Variants in DLGAP5 observed in about 807,000 individuals in gnomAD.
DLGAP5 encodes DLG associated protein 5, also known as disks large-associated protein 5.
In DLGAP5, 90 loss-of-function variants were observed where a neutral mutation model predicts 99.6. The ratio of observed to expected loss-of-function variants is 0.90; its 90% confidence interval spans 0.76 to 1.08. The LOEUF is 1.08. Among genes scored for constraint, DLGAP5 ranks in the 50% least tolerant of loss-of-function variants. The probability of loss-of-function intolerance (pLI) is 0.00; values close to 1 mark genes in which losing one functional copy is unlikely to be tolerated. For missense variants in DLGAP5, 1,036 were observed against 983.5 expected (o/e 1.05, Z -0.71); for synonymous variants, 311 against 321.3 (o/e 0.97, Z 0.34).
intron 10 of DLGAP5, among the ~76,000 whole-genome samples, chr14:55,174,993 G>A (rs768015534): frequency 3.3e-5 from 5 of 152,088 alleles, no homozygotes; most frequent in Admixed American, 6.6e-5. Flanking sequence ...CCAGCCTATT[G>A]TCCATATTTT....
intron 12 of DLGAP5, among the ~76,000 whole-genome samples, chr14:55,163,802 C>A (rs188077179): frequency 6.6e-6 from 1 of 152,164 alleles, no homozygotes; most frequent in Non-Finnish European, 1.5e-5. Flanking sequence ...TTTTCATATG[C>A]GTATTTGCCA....
chr14:55,187,627 C>CTTT (rs58942962), intron 2 of DLGAP5, among the ~76,000 whole-genome samples: 3 of 145,284 alleles, frequency 2.1e-5, no homozygotes, highest in Non-Finnish European at 4.5e-5. Flanking sequence ...TGATCCTTTT[C>CTTT]TTTTTTTTTT....
intron 14 of DLGAP5, among the ~76,000 whole-genome samples, chr14:55,156,827 A>G (rs1037591183): frequency 6.6e-6 from 1 of 152,248 alleles, no homozygotes; most frequent in Non-Finnish European, 1.5e-5. Context: ...TGATGAAACA[A>G]GTGCAGAATG....
At position 55,176,977 on chromosome 14, in the gene DLGAP5, A is replaced by G. The variant is rs866974462; in HGVS notation, c.1049+85T>C. 4.5e-3 allele frequency: 550 copies of G among 121,406 alleles called. 3 individuals carry two copies. Among genetic ancestry groups the G allele is most frequent in the South Asian group, 0.042 (164 of 3,922 alleles). The allele number at this position is 121,406 out of a possible 1,614,324, so 7.5% of individuals were successfully genotyped here. ...TGGGCGACAGAGCGAACTCCGTCTG[A>G]AAAAAAAAAAAAAAAAAAAAAAAAA... On this transcript the variant is annotated intron_variant, in intron 8 of 18. Coordinates refer to ENST00000247191, the MANE Select transcript of DLGAP5 (RefSeq NM_014750.5).
intron 17 of DLGAP5, among the ~76,000 whole-genome samples, chr14:55,151,465 A>G (rs1392562319): frequency 2.6e-5 from 4 of 152,104 alleles, no homozygotes; most frequent in Middle Eastern, 3.4e-3. Context: ...TGGAGGTTGC[A>G]GTGAGCTGAG....
rs146463175 is a variant in DLGAP5, at chr14:55,148,581, C to T, written c.2419-108G>A. The T allele has an allele frequency of 1.1e-4, 177 of 1,564,708 alleles. 1 individual carries two copies. The highest frequency in any genetic ancestry group is 8.8e-4 in the African/African-American group (65 of 73,816). On this transcript the variant is annotated intron_variant, in intron 18 of 18. Transcript: ENST00000247191. ...ATTAATAACAAAAATAAACCGGGTG[C>T]GGTGGTGCACACCTGTAGTCCCAGC...
intron 18 of DLGAP5, among the ~76,000 whole-genome samples, chr14:55,149,537 G>A (rs1427612090): frequency 6.6e-6 from 1 of 152,134 alleles, no homozygotes; most frequent in Non-Finnish European, 1.5e-5. Context: ...GTTTCATGAA[G>A]TTAACTAAAA....
Position 55,175,475 on chromosome 14 carries a change from ATAAAT to A in DLGAP5, c.1175-8_1175-4del, listed in dbSNP as rs752865373. On this transcript the variant is annotated splice_region_variant and splice_polypyrimidine_tract_variant and intron_variant, in intron 9 of 18. Coordinates refer to ENST00000247191, the MANE Select transcript of DLGAP5 (RefSeq NM_014750.5). Reference sequence around the variant, plus strand: ...TTCATTTTTATTTAAAACATGTTCTATAAATTAAAGAAAATCTTACATATAAATTT... The same window carrying A: ...TTCATTTTTATTTAAAACATGTTCTATAAAGAAAATCTTACATATAAATTT... The A allele has an allele frequency of 2.4e-6, 3 of 1,245,340 alleles. No individual in the cohort carries two copies. The highest frequency in any genetic ancestry group is 2.3e-6 in the Non-Finnish European group (2 of 878,596). 77.1% of individuals were successfully genotyped at this position (1,245,340 alleles called of 1,614,324 possible).
intron 1 of DLGAP5, among the ~76,000 whole-genome samples, chr14:55,190,699 C>A (rs1205862752): frequency 6.6e-6 from 1 of 152,102 alleles, no homozygotes; most frequent in South Asian, 2.1e-4. Flanking sequence ...AAGCAATCAA[C>A]AAAATATAAA....
chr14:55,183,672 T>G lies in DLGAP5; in HGVS notation c.320A>C (p.Lys107Thr), dbSNP rs145728451. The G allele has an allele frequency of 4.3e-6, 7 of 1,612,752 alleles. No individual in the cohort carries two copies. In the African/African-American group the frequency reaches 9.4e-5, roughly 22 times the overall value. The change falls in exon 3 of 19, where the codon AAA becomes ACA. Residue 107 changes from lysine to threonine, a missense_variant. By Grantham distance (78) the Lys-to-Thr change is moderately conservative (BLOSUM62 -1). Coordinates refer to ENST00000247191, the MANE Select transcript of DLGAP5 (RefSeq NM_014750.5). ...TCGTTTAGCTTTCTCTCTCTGCTCT[T>G]TCAATTTTTGAAGTTGCTTTTCTTC... ...YKEEKQLQKL[K>T]EQREKAKRGI...
intron 8 of DLGAP5, 86 bp downstream of exon 8, chr14:55,176,976 G>GGAAA (rs1555329323): frequency 2.4e-5 from 6 of 252,482 alleles, no homozygotes; most frequent in South Asian, 2.3e-4. Context: ...AACTCCGTCT[G>GGAAA]AAAAAAAAAA....
chr14:55,179,634 C>A lies in DLGAP5; in HGVS notation c.769G>T (p.Asp257Tyr). 6.2e-7 allele frequency: 1 copy of A among 1,611,054 alleles called. No individual in the cohort carries two copies. The highest frequency in any genetic ancestry group is 1.1e-5 in the South Asian group (1 of 90,022). The change falls in exon 7 of 19, where the codon GAC (aspartate) becomes TAC (tyrosine). Residue 257 changes from aspartate to tyrosine, a missense_variant. Transcript: ENST00000247191. ...RPAKNVETKP[D>Y]KGISCKVDSE... The stretch of plus-strand genomic sequence containing the variant: ...AAAAGATGTTTATTCTCTACCTTGT[C>A]GGGTTTTGTTTCTACATTTTTGGCA...
chr14:55,177,122 G>C lies in DLGAP5; in HGVS notation c.989C>G (p.Pro330Arg). 6.4e-7 allele frequency: 1 copy of C among 1,566,386 alleles called. No individual in the cohort carries two copies. Among genetic ancestry groups the C allele is most frequent in the East Asian group, 2.3e-5 (1 of 43,456 alleles). The change falls in exon 8 of 19, where the codon CCC becomes CGC. Residue 330 changes from proline (P) to arginine (R), a missense_variant. Coordinates refer to ENST00000247191, the MANE Select transcript of DLGAP5 (RefSeq NM_014750.5). The stretch of plus-strand genomic sequence containing the variant: ...TGTCAAAAAAGCATTGGCACTTCTG[G>C]GAGTCATAGGTGTTACTTGATAGGT... Reference protein sequence around the residue: ...LKTYQVTPMTPRSANAFLTPS... With the variant: ...LKTYQVTPMTRRSANAFLTPS...
At chr14:55,169,369 T>G (rs1244667517) in intron 12 of DLGAP5, 30 bp downstream of exon 12, 6 of 1,383,680 alleles carry the variant, frequency 4.3e-6, no homozygotes, top group Non-Finnish European at 5.7e-6. Flanking sequence ...AAGCCCTAAG[T>G]TAATATATTT....
At chr14:55,185,188 C>G (rs1169223579) in intron 2 of DLGAP5, among the ~76,000 whole-genome samples, 1 of 152,138 alleles carries the variant, frequency 6.6e-6, no homozygotes, top group South Asian at 2.1e-4. Flanking sequence ...TGTATCTCTA[C>G]TATCAACACT....
chr14:55,186,809 T>G (rs929013403), intron 2 of DLGAP5, among the ~76,000 whole-genome samples: 2 of 152,252 alleles, frequency 1.3e-5, no homozygotes, highest in East Asian at 3.8e-4. Flanking sequence ...AGTTAATCAG[T>G]CTCTCCTCGA....
chr14:55,170,701 C>A lies in DLGAP5; in HGVS notation c.1387+1G>T. On this transcript the variant is annotated splice_donor_variant, in intron 11 of 18. Transcript: ENST00000247191. LOFTEE classifies it high-confidence loss of function. ...AACAAAAAATACAAATGTTGCCTCA[C>A]CATCATCTGGAATGTCCAATTCAAG... 6.2e-7 allele frequency: 1 copy of A among 1,609,706 alleles called. No individual in the cohort carries two copies. The highest frequency in any genetic ancestry group is 8.5e-7 in the Non-Finnish European group (1 of 1,176,768).
chr14:55,185,635 C>T (rs549041800), intron 2 of DLGAP5, among the ~76,000 whole-genome samples: 59 of 152,348 alleles, frequency 3.9e-4, no homozygotes, highest in African/African-American at 1.3e-3. Context: ...AGGCATGCGC[C>T]ACTGCGCCTG....
At chr14:55,157,305 C>T (rs1882246946) in intron 14 of DLGAP5, among the ~76,000 whole-genome samples, 1 of 152,128 alleles carries the variant, frequency 6.6e-6, no homozygotes, top group South Asian at 2.1e-4. Context: ...CACGAAGATC[C>T]TTGACAAGTA....
Sources: allele counts gnomAD v4.1 joint callset (sites outside exome capture counted in the v4.1 genomes callset), GRCh38; gene constraint gnomAD v4.1.1; transcripts MANE v1.5; gene names NCBI Gene and HGNC (gene_info 2026-07-23, HGNC 2026-07-21).